Variants in STXBP3 observed in about 807,000 individuals in gnomAD.
The protein encoded by STXBP3 is syntaxin-binding protein 3.
Under a neutral mutation model 85.7 loss-of-function variants are expected in STXBP3, and 41 were observed. The observed-to-expected ratio is 0.48, with a 90% CI of 0.37 to 0.62. The LOEUF (loss-of-function observed/expected upper bound fraction) is 0.62, where lower values mean the gene tolerates loss of function less well. Among genes scored for constraint, STXBP3 ranks in the 20% least tolerant of loss-of-function variants. The pLI is 0.00. For missense variants in STXBP3, 563 were observed against 703.1 expected, an observed-to-expected ratio of 0.80 and a Z score of 2.25; for synonymous variants, 229 against 231.7, an observed-to-expected ratio of 0.99 and a Z score of 0.10.
Position 108,764,413 on chromosome 1 carries a change from G to A in STXBP3, c.438+4328G>A, listed in dbSNP as rs184951275. 8.3e-4 allele frequency among the ~76,000 whole-genome samples: 126 copies of A among 152,254 alleles called. No individual in the cohort carries two copies. In the Middle Eastern group the frequency reaches 0.014, roughly 16 times the overall value. ...TTATATTCTTTTGGGTATATACCTA[G>A]TAATGCGATTGCTGGGGCAAATGGT... On this transcript the variant is annotated intron_variant, in intron 6 of 18. Transcript: ENST00000370008.
chr1:108,779,555 T>TTATA (rs768579796), intron 9 of STXBP3, 145 bp downstream of exon 9: 39 of 844,200 alleles, frequency 4.6e-5, no homozygotes, highest in Non-Finnish European at 6.5e-5. Flanking sequence ...ATTCCTACAG[T>TTATA]TATAGTCTTT....
chr1:108,772,653 G>T lies in STXBP3; in HGVS notation c.439-12G>T, dbSNP rs1189924000. The T allele has an allele frequency of 7.3e-7, 1 of 1,373,412 alleles. No homozygotes were observed. Among genetic ancestry groups the T allele is most frequent in the Non-Finnish European group, 9.5e-7 (1 of 1,054,426 alleles). 85.1% of individuals were successfully genotyped at this position (1,373,412 alleles called of 1,614,324 possible). A position where few individuals can be genotyped will look rare whatever the true frequency, so the allele number is the denominator to read the frequency against. ...CTCCAGATTAACAGTGAGTTTTTTT[G>T]TCTTAACTTAGGTGTATACTCTTGA... On this transcript the variant is annotated splice_polypyrimidine_tract_variant and intron_variant, in intron 6 of 18. Transcript: ENST00000370008.
At chr1:108,791,743 C>T (rs1662979866) in intron 11 of STXBP3, among the ~76,000 whole-genome samples, 1 of 152,110 alleles carries the variant, frequency 6.6e-6, no homozygotes, top group Non-Finnish European at 1.5e-5. Flanking sequence ...ACCACTACCA[C>T]AATCAAGATA....
rs140899387 is a variant in STXBP3, at chr1:108,798,255, GT to G, written c.1449+25del. 5 of 1,583,170 alleles carry G rather than the reference GT, an allele frequency of 3.2e-6. No individual in the cohort carries two copies. Among genetic ancestry groups the G allele is most frequent in the Non-Finnish European group, 4.3e-6 (5 of 1,161,002 alleles). On this transcript the variant is annotated intron_variant, in intron 16 of 18. Transcript: ENST00000370008. ...TTATGGAGGTAAAAATCATTAAAATGTTTTTTTCTACCTGAGTGCCCTCTTT... is the reference window on the plus strand; with the variant it reads ...TTATGGAGGTAAAAATCATTAAAATGTTTTTTCTACCTGAGTGCCCTCTTT...
chr1:108,788,275 A>G (rs769425720), intron 11 of STXBP3, among the ~76,000 whole-genome samples: 4 of 152,116 alleles, frequency 2.6e-5, no homozygotes, highest in Non-Finnish European at 4.4e-5. Context: ...CTTTTCCTCT[A>G]TCACTGGATT....
intron 11 of STXBP3, among the ~76,000 whole-genome samples, chr1:108,785,216 C>T (rs957861725): frequency 1.3e-5 from 2 of 152,208 alleles, no homozygotes; most frequent in Admixed American, 6.5e-5. Context: ...CAGAGGTTCT[C>T]CATGAGGGCT....
intron 3 of STXBP3, among the ~76,000 whole-genome samples, chr1:108,753,659 A>G (rs964267184): frequency 1.3e-5 from 2 of 152,158 alleles, no homozygotes; most frequent in Non-Finnish European, 2.9e-5. Flanking sequence ...TCTGAAAAAA[A>G]ATCATAATGT....
chr1:108,771,442 C>A (rs868564254), intron 6 of STXBP3, among the ~76,000 whole-genome samples: 5 of 24,300 alleles, frequency 2.1e-4, no homozygotes, highest in African/African-American at 8.5e-4. Context: ...TGATATATAT[C>A]TATATATATC....
At chr1:108,808,238 C>CTA (rs1320657317) in intron 18 of STXBP3, among the ~76,000 whole-genome samples, 1 of 152,170 alleles carries the variant, frequency 6.6e-6, no homozygotes, top group Non-Finnish European at 1.5e-5. Context: ...TCAGGCCAGG[C>CTA]TAGTGGCTCA....
chr1:108,785,284 A>T (rs1335703502), intron 11 of STXBP3, among the ~76,000 whole-genome samples: 1 of 152,158 alleles, frequency 6.6e-6, no homozygotes, highest in East Asian at 1.9e-4. Context: ...ATCCTCTGAA[A>T]TCTAAGCAGA....
At position 108,774,426 on chromosome 1, in the gene STXBP3, C is replaced by T. The variant is rs114766551; in HGVS notation, c.593+1607C>T. On this transcript the variant is annotated intron_variant, in intron 7 of 18. Transcript: ENST00000370008. ...CTTTAATTTGAACATTGGCATTTGT[C>T]AAGTTAGCTGGCTGAACTGTTTAAT... Among the ~76,000 whole-genome samples, 1,081 of 152,164 alleles carry T rather than the reference C, an allele frequency of 7.1e-3. 13 individuals are homozygous for T. Among genetic ancestry groups the T allele is most frequent in the African/African-American group, 0.024 (999 of 41,506 alleles).
At chr1:108,758,966 TGTGAAAAACAAA>T (rs1444865860) in intron 5 of STXBP3, 2 of 152,766 alleles carry the variant, frequency 1.3e-5, no homozygotes, top group East Asian at 3.8e-4. Flanking sequence ...TTGATTCTCT[TGTGAAAAACAAA>T]GACCTTTTGA....
At chr1:108,799,217 C>G (rs981792719) in intron 16 of STXBP3, among the ~76,000 whole-genome samples, 22 of 152,118 alleles carry the variant, frequency 1.4e-4, no homozygotes, top group African/African-American at 4.6e-4. Flanking sequence ...TTATGTTATT[C>G]ACACATGCTT....
At chr1:108,765,077 A>G (rs1249315148) in intron 6 of STXBP3, among the ~76,000 whole-genome samples, 1 of 152,138 alleles carries the variant, frequency 6.6e-6, no homozygotes, top group Non-Finnish European at 1.5e-5. Flanking sequence ...GAAGGGGTCC[A>G]GTTTCAGTCT....
rs1247757755 is a variant in STXBP3 at position 108,808,859 on chromosome 1, CTTAA to C, written c.1766_1769del (p.Ile589LysfsTer11). On this transcript the variant is annotated frameshift_variant, in exon 19 of 19. Transcript: ENST00000370008. LOFTEE classifies it high-confidence loss of function. ...TGAATAAACCCAAGGATAAAGTCTC[CTTAA>C]TTAAAGATGAATAGCATTTCTTTTT... The C allele has an allele frequency of 1.2e-6, 2 of 1,609,544 alleles. No homozygotes were observed. Among genetic ancestry groups the C allele is most frequent in the East Asian group, 4.5e-5 (2 of 44,708 alleles).
intron 7 of STXBP3, among the ~76,000 whole-genome samples, chr1:108,774,606 G>T (rs1359759671): frequency 6.7e-6 from 1 of 149,846 alleles, no homozygotes; most frequent in East Asian, 1.9e-4. Context: ...TCATACCTTG[G>T]GTATTAGAAA....
Position 108,782,693 on chromosome 1 carries a change from C to T in STXBP3, c.950C>T (p.Ala317Val). 1 of 1,607,682 alleles carries T rather than the reference C, an allele frequency of 6.2e-7. No homozygotes were observed. The highest frequency in any genetic ancestry group is 2.2e-5 in the East Asian group (1 of 44,714). ...LMKEISSTKK[A>V]TEGKTSLSAL... is the part of the protein sequence containing the mutation. ...AAAGAAATTTCATCAACAAAGAAAG[C>T]AACAGAAGGAAAGGTAAGAGTCTTA... Residue 317 changes from alanine (A) to valine (V), a missense_variant, in exon 11 of 19, where the codon GCA (alanine) becomes GTA (valine). Coordinates refer to ENST00000370008, the MANE Select transcript of STXBP3 (RefSeq NM_007269.4).
At chr1:108,770,765 G>A (rs1354254378) in intron 6 of STXBP3, among the ~76,000 whole-genome samples, 1 of 73,624 alleles carries the variant, frequency 1.4e-5, no homozygotes, top group Non-Finnish European at 3.7e-5. Context: ...ATACCATTTA[G>A]GGAGCTCCTG....
intron 17 of STXBP3, among the ~76,000 whole-genome samples, chr1:108,805,847 A>T (rs561598578): frequency 1.3e-5 from 2 of 152,268 alleles, no homozygotes; most frequent in East Asian, 3.9e-4. Flanking sequence ...GTGCCCTGTG[A>T]TGATGCTGGT....
Sources: gnomAD v4.1 joint callset for allele counts (sites outside exome capture counted in the v4.1 genomes callset) on GRCh38, gnomAD v4.1.1 for gene constraint, MANE v1.5 for transcripts, NCBI Gene and HGNC (gene_info 2026-07-23, HGNC 2026-07-21) for gene names.